Variants in DOCK8 observed in about 807,000 individuals in gnomAD.
The protein encoded by DOCK8 is dedicator of cytokinesis protein 8.
A neutral mutation model predicts 245.6 loss-of-function variants in DOCK8; 141 were observed. The observed-to-expected ratio is 0.57, with a 90% CI of 0.50 to 0.66. The LOEUF is 0.66. Among genes scored for constraint, DOCK8 ranks in the 30% least tolerant of loss-of-function variants. The pLI is 0.00. For synonymous variants in DOCK8, 1,168 were observed against 970.2 expected (o/e 1.20, Z -3.79); for missense variants, 2,965 against 2,603.4 (o/e 1.14, Z -3.02).
At position 399,238 on chromosome 9, in the gene DOCK8, C is replaced by T. The variant is rs754098213; in HGVS notation, c.3213C>T (p.Leu1071=). 1 of 1,613,854 alleles carries T rather than the reference C, an allele frequency of 6.2e-7. No homozygotes were observed. Among genetic ancestry groups the T allele is most frequent in the South Asian group, 1.1e-5 (1 of 91,060 alleles). ...SLMDRGFVFN[L]IRHYCSQLSA... ...TGGATCGGGGCTTTGTGTTTAACCT[C>T]ATCAGACATTATTGCAGCCAGGTGA... Residue 1071 remains leucine (L), a synonymous_variant, in exon 26 of 48, where the codon CTC becomes CTT. Transcript: ENST00000432829.
intron 14 of DOCK8, among the ~76,000 whole-genome samples, chr9:343,188 G>T (rs899287510): frequency 6.6e-6 from 1 of 152,116 alleles, no homozygotes; most frequent in African/African-American, 2.4e-5. Flanking sequence ...TAAGTGAATG[G>T]TTCCTTGAGG....
At chr9:365,725 A>G (rs2052956630) in intron 14 of DOCK8, 19 of 435,870 alleles carry the variant, frequency 4.4e-5, no homozygotes, top group South Asian at 3.0e-4. Flanking sequence ...CTGGATTCAA[A>G]TCTCAGCTCT....
chr9:377,032 C>G lies in DOCK8; in HGVS notation c.2261C>G (p.Thr754Ser). 1 of 1,614,024 alleles carries G rather than the reference C, an allele frequency of 6.2e-7. No homozygotes were observed. The highest frequency in any genetic ancestry group is 8.5e-7 in the Non-Finnish European group (1 of 1,180,014). Residue 754 changes from threonine to serine, a missense_variant, in exon 20 of 48, where the codon ACC becomes AGC. Physicochemically the swap from Thr to Ser is moderately conservative, Grantham distance 58 (BLOSUM62 1). Coordinates refer to ENST00000432829, the MANE Select transcript of DOCK8 (RefSeq NM_203447.4). ...TGCCACTCCCTGGAGAGCCAGGTGACCTTCCCCATCCGCGTGCTGGATCAG... is the reference window on the plus strand; with the variant it reads ...TGCCACTCCCTGGAGAGCCAGGTGAGCTTCCCCATCCGCGTGCTGGATCAG... ...TLCHSLESQVTFPIRVLDQKI... is the reference protein window; with the variant it reads ...TLCHSLESQVSFPIRVLDQKI...
At chr9:373,920 CT>C (rs1418876037) in intron 18 of DOCK8, among the ~76,000 whole-genome samples, 4 of 152,180 alleles carry the variant, frequency 2.6e-5, no homozygotes, top group African/African-American at 7.2e-5. Context: ...TTAGAACCCC[CT>C]ATTATCTTTT....
At chr9:421,582 C>G (rs911854299) in intron 32 of DOCK8, among the ~76,000 whole-genome samples, 1 of 152,192 alleles carries the variant, frequency 6.6e-6, no homozygotes, top group Non-Finnish European at 1.5e-5. Flanking sequence ...CTCAAAAAGG[C>G]TGAGCTTGAA....
intron 47 of DOCK8, 75 bp downstream of exon 47, chr9:463,762 C>T: frequency 5.1e-6 from 8 of 1,555,952 alleles, no homozygotes; most frequent in Admixed American, 3.5e-5. Flanking sequence ...TTGGGGCATG[C>T]TCTGCTGCAC....
rs560161670 is a variant in DOCK8, at chr9:425,261, A to G, written c.4242-1624A>G. ...AAAAGGATGATAAGGGGCCGGGCAC[A>G]GTGGCTCACACCTGTAATCCCAGCA... On this transcript the variant is annotated intron_variant, in intron 33 of 47. Coordinates refer to ENST00000432829, the MANE Select transcript of DOCK8 (RefSeq NM_203447.4). Among the ~76,000 whole-genome samples the G allele has an allele frequency of 5.8e-4, 88 of 152,328 alleles. 1 individual carries two copies. In the South Asian group the frequency reaches 7.5e-3, roughly 13 times the overall value.
intron 3 of DOCK8, among the ~76,000 whole-genome samples, chr9:287,733 A>T (rs762766451): frequency 3.3e-5 from 5 of 152,128 alleles, no homozygotes; most frequent in Non-Finnish European, 5.9e-5. Context: ...ATACTCCCCC[A>T]TTTTCAGTCC....
intron 2 of DOCK8, 68 bp from the exon 3 acceptor site, chr9:286,393 C>T: frequency 6.4e-7 from 1 of 1,553,058 alleles, no homozygotes; most frequent in South Asian, 1.2e-5. Flanking sequence ...CAAACATCTA[C>T]TATTGCCTTT....
chr9:303,467 A>G (rs1456686523), intron 4 of DOCK8, among the ~76,000 whole-genome samples: 1 of 152,222 alleles, frequency 6.6e-6, no homozygotes, highest in East Asian at 1.9e-4. Context: ...AACAAAGAAC[A>G]AAATCATGGG....
At chr9:325,356 AT>A (rs1260983380) in intron 7 of DOCK8, among the ~76,000 whole-genome samples, 4 of 152,184 alleles carry the variant, frequency 2.6e-5, no homozygotes, top group African/African-American at 9.7e-5. Context: ...AGTAGTTACA[AT>A]AAGAAGGTGA....
chr9:389,041 T>C (rs61409237), intron 23 of DOCK8, among the ~76,000 whole-genome samples: 6,185 of 152,316 alleles, frequency 0.041, 169 homozygotes, highest in African/African-American at 0.061. Context: ...ATTCCAGGTT[T>C]TGTGGGCATA....
rs1366932396 is a variant in DOCK8 at position 426,940 on chromosome 9, G to A, written c.4297G>A (p.Ala1433Thr). The change falls in exon 34 of 48, where the codon GCA becomes ACA. Residue 1433 changes from alanine to threonine, a missense_variant. Around this residue, in one of 3 missense-constraint regions of DOCK8, gnomAD observed 2,825 missense variants for 2,453.5 expected, o/e 1.15. Coordinates refer to ENST00000432829, the MANE Select transcript of DOCK8 (RefSeq NM_203447.4). ...ALISGNLATE[A>T]HLIILDMQEN... ...GATCAGTGGCAATCTGGCTACAGAA[G>A]CACATTTAATCATCCTGGATATGCA... is the stretch of plus-strand genomic sequence containing the variant. 8.1e-6 allele frequency: 13 copies of A among 1,613,982 alleles called. No homozygotes were observed. The highest frequency in any genetic ancestry group is 1.3e-5 in the African/African-American group (1 of 74,916).
rs753640333 is a variant in DOCK8 at position 422,177 on chromosome 9, C to T, written c.4241+42C>T. ...CTTTCTGCTACTTTTACCTAAAGTC[C>T]AAAACTATTTTTCCCAGGCTGCTTG... On this transcript the variant is annotated intron_variant, in intron 33 of 47. Transcript: ENST00000432829. 10 of 1,549,560 alleles carry T rather than the reference C, an allele frequency of 6.5e-6. No individual in the cohort carries two copies. In the East Asian group the frequency reaches 2.3e-4, roughly 35 times the overall value.
chr9:360,514 C>A (rs1048365988), intron 14 of DOCK8, among the ~76,000 whole-genome samples: 1 of 152,056 alleles, frequency 6.6e-6, no homozygotes, highest in Non-Finnish European at 1.5e-5. Flanking sequence ...TAACAGTCTG[C>A]AAAGTAGCAG....
intron 7 of DOCK8, among the ~76,000 whole-genome samples, chr9:323,864 T>C (rs2050634861): frequency 6.6e-6 from 1 of 152,242 alleles, no homozygotes; most frequent in South Asian, 2.1e-4. Flanking sequence ...TAAATAATAT[T>C]CCATTGTATA....
At chr9:275,466 G>A (rs1586568355) in intron 2 of DOCK8, among the ~76,000 whole-genome samples, 1 of 152,122 alleles carries the variant, frequency 6.6e-6, no homozygotes, top group African/African-American at 2.4e-5. Flanking sequence ...ATTATCTAGG[G>A]ACAATTCAAT....
intron 2 of DOCK8, among the ~76,000 whole-genome samples, chr9:273,506 G>A (rs2048223704): frequency 6.6e-6 from 1 of 152,208 alleles, no homozygotes; most frequent in East Asian, 1.9e-4. Flanking sequence ...AAATAGATTG[G>A]ATACACTTTT....
chr9:463,276 TA>T lies in DOCK8; in HGVS notation c.6069-229del, dbSNP rs5895846. On this transcript the variant is annotated intron_variant, in intron 46 of 47. Coordinates refer to ENST00000432829, the MANE Select transcript of DOCK8 (RefSeq NM_203447.4). ...CGTCTCAAAAAATAATAAAATAAGG[TA>T]AAAAAAAAAAACAAACACAGAGATT... Among the ~76,000 whole-genome samples, 70,761 of 148,514 alleles carry T rather than the reference TA, an allele frequency of 0.48. 17,786 individuals carry two copies. The highest frequency in any genetic ancestry group is 0.58 in the Non-Finnish European group (38,846 of 67,208).
Sources: gnomAD v4.1 joint callset for allele counts (sites outside exome capture counted in the v4.1 genomes callset) on GRCh38, gnomAD v4.1.1 for gene constraint, gnomAD v4.1.1 regional missense constraint, MANE v1.5 for transcripts, NCBI Gene and HGNC (gene_info 2026-07-23, HGNC 2026-07-21) for gene names.